SMAD2: variants seen among roughly 807,000 people sequenced by gnomAD.
The protein encoded by SMAD2 is SMAD family member 2, also known as MAD homolog 2.
In SMAD2, 8 loss-of-function variants were observed where a neutral mutation model predicts 64.4. The observed-to-expected ratio is 0.12, with a 90% CI of 0.07 to 0.22. The LOEUF (loss-of-function observed/expected upper bound fraction) is 0.22. Among genes scored for constraint, SMAD2 ranks in the 10% least tolerant of loss-of-function variants. The pLI, the probability that SMAD2 is intolerant of heterozygous loss-of-function variation, is 1.00. For synonymous variants in SMAD2, 203 were observed against 195.8 expected, an observed-to-expected ratio of 1.04 and a Z score of -0.31; for missense variants, 289 against 561.2, an observed-to-expected ratio of 0.51 and a Z score of 4.90.
At chr18:47,909,067 C>CT (rs2034017838) in intron 1 of SMAD2, among the ~76,000 whole-genome samples, 1 of 103,018 alleles carries the variant, frequency 9.7e-6, no homozygotes, top group South Asian at 4.0e-4. Context: ...AGAACTACAG[C>CT]TAAAAAAAAA....
At chr18:47,911,764 T>C (rs2034145215) in intron 1 of SMAD2, among the ~76,000 whole-genome samples, 1 of 152,234 alleles carries the variant, frequency 6.6e-6, no homozygotes, top group African/African-American at 2.4e-5. Flanking sequence ...AAACTGTCTA[T>C]AGTGGTAGAC....
chr18:47,854,191 GAAT>G (rs1421491598), intron 6 of SMAD2, among the ~76,000 whole-genome samples: 5 of 151,902 alleles, frequency 3.3e-5, no homozygotes, highest in African/African-American at 1.2e-4. Flanking sequence ...CTTCCACTTA[GAAT>G]ATTATAAATA....
intron 2 of SMAD2, among the ~76,000 whole-genome samples, chr18:47,892,776 G>A (rs958208197): frequency 6.6e-6 from 1 of 152,102 alleles, no homozygotes; most frequent in Non-Finnish European, 1.5e-5. Flanking sequence ...ACAATATTCT[G>A]ATTATTTCCT....
chr18:47,865,022 CTA>C (rs773173827), intron 6 of SMAD2, 35 bp downstream of exon 6: 1 of 1,174,272 alleles, frequency 8.5e-7, no homozygotes, highest in Non-Finnish European at 1.3e-6. Context: ...AAATGTATAT[CTA>C]ATAACTGAGG....
At position 47,857,058 on chromosome 18, in the gene SMAD2, C is replaced by T. The variant is rs541821455; in HGVS notation, c.731-5731G>A. Among the ~76,000 whole-genome samples, 164 of 151,972 alleles carry T rather than the reference C, an allele frequency of 1.1e-3. 1 individual carries two copies. The highest frequency in any genetic ancestry group is 3.7e-3 in the African/African-American group (152 of 41,470). On this transcript the variant is annotated intron_variant, in intron 6 of 10. Coordinates refer to ENST00000262160, the MANE Select transcript of SMAD2 (RefSeq NM_005901.6). ...ATTTTTAGTAGAGACGGGGTTTCAC[C>T]GTTTTAGCCGGGATGGTCTCGATCT...
chr18:47,889,830 T>C lies in SMAD2; in HGVS notation c.236+6691A>G, dbSNP rs539236542. Among the ~76,000 whole-genome samples the C allele has an allele frequency of 4.6e-5, 7 of 152,090 alleles. No homozygotes were observed. In the East Asian group the frequency reaches 1.4e-3, roughly 29 times the overall value. On this transcript the variant is annotated intron_variant, in intron 2 of 10. Coordinates refer to ENST00000262160, the MANE Select transcript of SMAD2 (RefSeq NM_005901.6). ...ATGTTGGGAAAACAAAAGATTACTGTAATTTTTTAAATGCCTATTTTAGCT... is the reference window on the plus strand; with the variant it reads ...ATGTTGGGAAAACAAAAGATTACTGCAATTTTTTAAATGCCTATTTTAGCT...
rs1913708794 is a variant in SMAD2, at chr18:47,839,163, A to T, written c.*2664T>A. The T allele has an allele frequency of 8.6e-6, 2 of 233,300 alleles. No individual in the cohort carries two copies. The highest frequency in any genetic ancestry group is 1.7e-5 in the Non-Finnish European group (2 of 118,056). The allele number at this position is 233,300 out of a possible 1,614,324, so 14.5% of individuals were successfully genotyped here. A position where few individuals can be genotyped will look rare whatever the true frequency, so the allele number is the denominator to read the frequency against. On this transcript the variant is annotated 3_prime_UTR_variant, in exon 11 of 11. Transcript: ENST00000262160. ...GTATAACTGCTCAATAGGTGTTTTC[A>T]AAGAGTTGAGTCCCAATTTCATACT...
At chr18:47,889,418 G>T (rs561989451) in intron 2 of SMAD2, among the ~76,000 whole-genome samples, 170 of 152,022 alleles carry the variant, frequency 1.1e-3, no homozygotes, top group African/African-American at 4.0e-3. Flanking sequence ...TGACATTTTG[G>T]GCTGGATGGT....
intron 1 of SMAD2, among the ~76,000 whole-genome samples, chr18:47,929,954 C>G (rs1456487962): frequency 6.6e-6 from 1 of 152,014 alleles, no homozygotes; most frequent in Non-Finnish European, 1.5e-5. Flanking sequence ...CATGGAAAAC[C>G]CGAGACTACC....
At position 47,840,443 on chromosome 18, in the gene SMAD2, A is replaced by T. The variant is rs138364383; in HGVS notation, c.*1384T>A. 54 of 232,908 alleles carry T rather than the reference A, an allele frequency of 2.3e-4. 1 individual carries two copies. In the East Asian group the frequency reaches 3.1e-3, roughly 14 times the overall value. The allele number at this position is 232,908 out of a possible 1,614,324, so 14.4% of individuals were successfully genotyped here. A position where few individuals can be genotyped will look rare whatever the true frequency, so the allele number is the denominator to read the frequency against. On this transcript the variant is annotated 3_prime_UTR_variant, in exon 11 of 11. Transcript: ENST00000262160. ...TCACTACAGAGCATGAAATATTGTC[A>T]ATCACAAAACCAGGATCAGTTAAGA...
At chr18:47,889,435 T>C (rs2033075327) in intron 2 of SMAD2, among the ~76,000 whole-genome samples, 1 of 151,070 alleles carries the variant, frequency 6.6e-6, no homozygotes, top group Admixed American at 6.6e-5. Context: ...TGGTAAATAC[T>C]TTAAAAAAAA....
chr18:47,914,473 C>T (rs977263599), intron 1 of SMAD2, among the ~76,000 whole-genome samples: 2 of 152,120 alleles, frequency 1.3e-5, no homozygotes, highest in African/African-American at 4.8e-5. Flanking sequence ...AATACCCTGA[C>T]GTAATACAGA....
At chr18:47,868,171 T>C in intron 5 of SMAD2, 152 bp downstream of exon 5, 1 of 692,546 alleles carries the variant, frequency 1.4e-6, no homozygotes, top group Middle Eastern at 4.0e-4. Context: ...GCTTATACAT[T>C]TCACAAAATA....
intron 7 of SMAD2, among the ~76,000 whole-genome samples, chr18:47,849,273 A>G (rs75320281): frequency 0.017 from 2,599 of 152,290 alleles, 63 homozygotes; most frequent in African/African-American, 0.058. Flanking sequence ...TCATGCAAGT[A>G]GAAACAGACC....
In SMAD2 at chr18:47,903,168, T is replaced by C. The variant is rs558288272; in HGVS notation, c.-53-6359A>G. Among the ~76,000 whole-genome samples the C allele has an allele frequency of 5.9e-5, 9 of 152,012 alleles. No homozygotes were observed. The South Asian group carries it at 6.2e-4, about 11-fold the overall frequency. On this transcript the variant is annotated intron_variant, in intron 1 of 10. Transcript: ENST00000262160. ...AGATGATCCCAAGAGAGTCTAGACA[T>C]TGAGCTGCCAAGGGCTGCGGTAGGA...
rs1464515263 is a variant in SMAD2, at chr18:47,820,519, T to C, written c.*21308A>G. 2.0e-5 allele frequency: 3 copies of C among 152,054 alleles called. No homozygotes were observed. The highest frequency in any genetic ancestry group is 1.9e-4 in the East Asian group (1 of 5,194). The allele number at this position is 152,054 out of a possible 1,614,324, so 9.4% of individuals were successfully genotyped here. A position where few individuals can be genotyped will look rare whatever the true frequency, so the allele number is the denominator to read the frequency against. On this transcript the variant is annotated 3_prime_UTR_variant, in exon 11 of 11. Coordinates refer to ENST00000262160, the MANE Select transcript of SMAD2 (RefSeq NM_005901.6). The stretch of plus-strand genomic sequence containing the variant: ...ACTAAGTAGGAGGAGGAGAGAAATA[T>C]GAAGGAAGTTAATGGGTGTGAGAAT...
At chr18:47,873,097 C>A (rs2032043208) in intron 2 of SMAD2, among the ~76,000 whole-genome samples, 1 of 151,974 alleles carries the variant, frequency 6.6e-6, no homozygotes. Flanking sequence ...ACCTCAGCCT[C>A]CCAAAATGCT....
chr18:47,870,654 G>A, intron 2 of SMAD2, 90 bp from the exon 3 acceptor site: 1 of 865,242 alleles, frequency 1.2e-6, no homozygotes, highest in Non-Finnish European at 2.0e-6. Context: ...AGAATGTACA[G>A]AATACTTCCT....
At chr18:47,891,229 T>C (rs1223022671) in intron 2 of SMAD2, among the ~76,000 whole-genome samples, 1 of 152,126 alleles carries the variant, frequency 6.6e-6, no homozygotes, top group African/African-American at 2.4e-5. Context: ...CGCTTGAACC[T>C]GGGAGGCGGA....
Sources: allele counts gnomAD v4.1 joint callset (sites outside exome capture counted in the v4.1 genomes callset), GRCh38; gene constraint gnomAD v4.1.1; transcripts MANE v1.5; gene names NCBI Gene and HGNC (gene_info 2026-07-23, HGNC 2026-07-21).